CCDC171: variants seen among roughly 807,000 people sequenced by gnomAD.
CCDC171 encodes the protein coiled-coil domain-containing protein 171.
CCDC171 carries 177 observed loss-of-function variants against 168.2 expected under a neutral mutation model. The observed-to-expected ratio is 1.05, with a 90% CI of 0.93 to 1.19. The LOEUF is 1.19. Ranked by LOEUF, CCDC171 falls within the 50% of genes most tolerant of loss-of-function variation. The pLI is 0.00. For missense variants in CCDC171, 1,991 were observed against 1,539.0 expected (o/e 1.29, Z -4.91); for synonymous variants, 687 against 540.8 (o/e 1.27, Z -3.75).
chr9:15,743,490 C>CTTTCAAGA (rs559836599), intron 16 of CCDC171, among the ~76,000 whole-genome samples: 26 of 152,074 alleles, frequency 1.7e-4, no homozygotes, highest in Non-Finnish European at 2.9e-4. Flanking sequence ...TTTACTCTTT[C>CTTTCAAGA]TTTCAAGATT....
Position 15,897,924 on chromosome 9 carries a change from G to A in CCDC171, c.3601-22346G>A, listed in dbSNP as rs77714757. On this transcript the variant is annotated intron_variant, in intron 24 of 25. Transcript: ENST00000380701. ...AGGCATGGATTTGAATCCCAATTCT[G>A]CTCTTTATTAACTGGGTGACACTGG... Among the ~76,000 whole-genome samples the A allele has an allele frequency of 8.5e-4, 130 of 152,226 alleles. 1 individual carries two copies. The East Asian group carries it at 0.011, about 13-fold the overall frequency.
intron 20 of CCDC171, among the ~76,000 whole-genome samples, chr9:15,781,472 C>T (rs560004335): frequency 1.3e-5 from 2 of 152,276 alleles, no homozygotes; most frequent in South Asian, 4.1e-4. Context: ...GGCCGGAGTG[C>T]AGTGGTACGA....
At chr9:15,966,624 T>C (rs543914111) in intron 25 of CCDC171, among the ~76,000 whole-genome samples, 41 of 152,344 alleles carry the variant, frequency 2.7e-4, no homozygotes, top group Admixed American at 1.4e-3. Flanking sequence ...TCTACCTGTA[T>C]GGTTGTCCTT....
chr9:15,763,494 C>G (rs2056561561), intron 18 of CCDC171, among the ~76,000 whole-genome samples: 3 of 152,152 alleles, frequency 2.0e-5, no homozygotes. Flanking sequence ...CTATCAGATG[C>G]TCAACATGAG....
chr9:15,749,432 G>T (rs542523234), intron 18 of CCDC171, among the ~76,000 whole-genome samples: 1 of 152,120 alleles, frequency 6.6e-6, no homozygotes, highest in African/African-American at 2.4e-5. Flanking sequence ...AAATTAACAG[G>T]GATAGCCAGG....
intron 2 of CCDC171, among the ~76,000 whole-genome samples, chr9:15,569,879 C>CT (rs1307920396): frequency 2.0e-5 from 3 of 151,668 alleles, no homozygotes; most frequent in Non-Finnish European, 4.4e-5. Context: ...ATCTCCATCT[C>CT]TTTTTTTGCT....
intron 1 of CCDC171, among the ~76,000 whole-genome samples, chr9:16,054,881 C>T (rs916247085): frequency 6.6e-6 from 1 of 152,180 alleles, no homozygotes; most frequent in African/African-American, 2.4e-5. Flanking sequence ...ACACCCCCTC[C>T]CCACACACAT....
chr9:15,631,605 G>A (rs1479713949), intron 7 of CCDC171, among the ~76,000 whole-genome samples: 1 of 152,162 alleles, frequency 6.6e-6, no homozygotes, highest in African/African-American at 2.4e-5. Context: ...GGAGGAACTG[G>A]TACCATTCCT....
intron 3 of CCDC171, among the ~76,000 whole-genome samples, chr9:15,998,920 CATTCCCCA>C (rs2132941014): frequency 6.6e-6 from 1 of 152,272 alleles, no homozygotes; most frequent in East Asian, 1.9e-4. Flanking sequence ...TTGAATTTCT[CATTCCCCA>C]AAGCTACATG....
At chr9:16,079,458 C>G in the CCDC171 span, among the ~76,000 whole-genome samples, 371 of 152,296 alleles carry the variant, frequency 2.4e-3, no homozygotes, top group South Asian at 3.7e-3. Context: ...TTAGAGAGAA[C>G]ACCGTGTGAG....
chr9:16,073,897 G>C, the CCDC171 span, among the ~76,000 whole-genome samples: 1 of 152,150 alleles, frequency 6.6e-6, no homozygotes, highest in Non-Finnish European at 1.5e-5. Context: ...TTGGGAAGAG[G>C]GCTTTCAAAA....
intron 3 of CCDC171, among the ~76,000 whole-genome samples, chr9:16,017,677 A>G (rs7854549): frequency 8.9e-4 from 136 of 152,366 alleles, no homozygotes; most frequent in African/African-American, 3.0e-3. Context: ...ATATCATTAA[A>G]GCATTTTGTT....
chr9:15,879,380 A>G (rs745688489), intron 24 of CCDC171, among the ~76,000 whole-genome samples: 1 of 152,154 alleles, frequency 6.6e-6, no homozygotes, highest in Non-Finnish European at 1.5e-5. Context: ...ACAATGTGCA[A>G]TGATCAATCA....
chr9:16,078,303 C>T, the CCDC171 span, among the ~76,000 whole-genome samples: 1 of 152,170 alleles, frequency 6.6e-6, no homozygotes, highest in South Asian at 2.1e-4. Flanking sequence ...AACTCAGCCT[C>T]CAGCTCTTGC....
At chr9:15,761,605 G>C (rs2056447543) in intron 18 of CCDC171, among the ~76,000 whole-genome samples, 1 of 151,836 alleles carries the variant, frequency 6.6e-6, no homozygotes, top group African/African-American at 2.4e-5. Flanking sequence ...GAGACTTAGG[G>C]GATTTTATTA....
chr9:15,615,440 T>C (rs2044009715), intron 6 of CCDC171, among the ~76,000 whole-genome samples: 1 of 152,200 alleles, frequency 6.6e-6, no homozygotes, highest in South Asian at 2.1e-4. Context: ...GAAATTATCA[T>C]ATAATATTAA....
chr9:16,010,054 A>C (rs1832822506), intron 3 of CCDC171, among the ~76,000 whole-genome samples: 1 of 152,212 alleles, frequency 6.6e-6, no homozygotes, highest in African/African-American at 2.4e-5. Flanking sequence ...ATATCCTTAC[A>C]TCCCAAGTGC....
At chr9:15,797,494 G>T (rs1245075256) in intron 21 of CCDC171, among the ~76,000 whole-genome samples, 1 of 152,116 alleles carries the variant, frequency 6.6e-6, no homozygotes, top group African/African-American at 2.4e-5. Context: ...GAGAATACAG[G>T]CATGAGCCAC....
At chr9:16,084,259 C>A in the CCDC171 span, among the ~76,000 whole-genome samples, 2 of 152,164 alleles carry the variant, frequency 1.3e-5, no homozygotes, top group African/African-American at 2.4e-5. Flanking sequence ...TGCTCCCTAT[C>A]CTCAGCTCCT....
Sources: gnomAD v4.1 joint callset for allele counts (sites outside exome capture counted in the v4.1 genomes callset) on GRCh38, gnomAD v4.1.1 for gene constraint, MANE v1.5 for transcripts, NCBI Gene and HGNC (gene_info 2026-07-23, HGNC 2026-07-21) for gene names.